Variants in TUBGCP3 observed in about 807,000 individuals in gnomAD.
The protein encoded by TUBGCP3 is gamma-tubulin complex component 3.
Under a neutral mutation model 123.1 loss-of-function variants are expected in TUBGCP3, and 50 were observed. The observed-to-expected ratio is 0.41, with a 90% CI of 0.32 to 0.51. TUBGCP3 has a LOEUF of 0.51. TUBGCP3 is among the 20% of genes least tolerant of loss of function. The pLI, the probability that TUBGCP3 is intolerant of heterozygous loss-of-function variation, is 0.36. For synonymous variants in TUBGCP3, 405 were observed against 413.9 expected, an observed-to-expected ratio of 0.98 and a Z score of 0.26; for missense variants, 882 against 1,127.0, an observed-to-expected ratio of 0.78 and a Z score of 3.11.
intron 1 of TUBGCP3, among the ~76,000 whole-genome samples, chr13:112,585,123 T>C (rs1050610456): frequency 6.6e-6 from 1 of 152,194 alleles, no homozygotes; most frequent in Admixed American, 6.5e-5. Context: ...CAAGTACCTA[T>C]TATGCCTTGA....
At chr13:112,544,385 A>G (rs191983207) in intron 11 of TUBGCP3, among the ~76,000 whole-genome samples, 12 of 149,042 alleles carry the variant, frequency 8.1e-5, no homozygotes, top group East Asian at 4.1e-4. Flanking sequence ...CATGGGAGGC[A>G]GAGCCTGCAG....
intron 18 of TUBGCP3, among the ~76,000 whole-genome samples, 191 bp downstream of exon 18, chr13:112,504,435 G>A (rs1050738343): frequency 1.3e-5 from 2 of 149,586 alleles, no homozygotes; most frequent in Non-Finnish European, 1.5e-5. Flanking sequence ...TTGCAGTGAG[G>A]TGAGATCACA....
chr13:112,501,036 T>C (rs559889139), intron 19 of TUBGCP3, among the ~76,000 whole-genome samples: 31 of 152,334 alleles, frequency 2.0e-4, no homozygotes, highest in African/African-American at 7.5e-4. Flanking sequence ...TTTCACTTAC[T>C]ACAATGCACT....
At chr13:112,584,742 A>C (rs1566597472) in intron 1 of TUBGCP3, among the ~76,000 whole-genome samples, 1 of 152,240 alleles carries the variant, frequency 6.6e-6, no homozygotes, top group Non-Finnish European at 1.5e-5. Context: ...TCATAGTTAG[A>C]AAAAGGATTA....
At chr13:112,503,674 G>C (rs566638264) in intron 19 of TUBGCP3, among the ~76,000 whole-genome samples, 1 of 152,172 alleles carries the variant, frequency 6.6e-6, no homozygotes, top group Admixed American at 6.5e-5. Flanking sequence ...GGCCTGTTTT[G>C]TTCTTATATC....
In TUBGCP3 at chr13:112,556,127, C is replaced by CT; in HGVS notation, c.645dup (p.Ala216SerfsTer57). The CT allele has an allele frequency of 1.2e-6, 2 of 1,614,062 alleles. No individual in the cohort carries two copies. Among genetic ancestry groups the CT allele is most frequent in the Non-Finnish European group, 1.7e-6 (2 of 1,180,004 alleles). On this transcript the variant is annotated frameshift_variant, in exon 6 of 22. Transcript: ENST00000261965. LOFTEE classifies it high-confidence loss of function. ...CTGGGGACACCTTTTGAGGTAGTGGCTTGTGAAGAAGGCTGATTTGCAGTT... is the reference window on the plus strand; with the variant it reads ...CTGGGGACACCTTTTGAGGTAGTGGCTTTGTGAAGAAGGCTGATTTGCAGTT...
chr13:112,556,616 C>T (rs1051554198), intron 5 of TUBGCP3, among the ~76,000 whole-genome samples: 3 of 152,230 alleles, frequency 2.0e-5, no homozygotes, highest in African/African-American at 7.2e-5. Context: ...CCACAACTCT[C>T]GTTCACTCCC....
intron 11 of TUBGCP3, among the ~76,000 whole-genome samples, chr13:112,528,075 T>G (rs1877278420): frequency 6.6e-6 from 1 of 152,232 alleles, no homozygotes. Context: ...TCAGGAGCTT[T>G]CTTCCTCACT....
chr13:112,563,680 C>T (rs9577807), intron 3 of TUBGCP3, among the ~76,000 whole-genome samples: 1 of 146,560 alleles, frequency 6.8e-6, no homozygotes, highest in African/African-American at 2.6e-5. Flanking sequence ...TGGCTAACAC[C>T]GTGAAACCCC....
At chr13:112,562,379 T>C (rs973705149) in intron 3 of TUBGCP3, among the ~76,000 whole-genome samples, 3 of 152,212 alleles carry the variant, frequency 2.0e-5, no homozygotes, top group Non-Finnish European at 2.9e-5. Context: ...GAGATCAGGC[T>C]GGAGACAGCA....
chr13:112,550,535 A>G (rs1879474089), intron 8 of TUBGCP3, among the ~76,000 whole-genome samples: 1 of 152,208 alleles, frequency 6.6e-6, no homozygotes, highest in Admixed American at 6.5e-5. Flanking sequence ...CTCCCGCTGG[A>G]GGTACCGCCA....
At chr13:112,543,642 A>G (rs1455352118) in intron 11 of TUBGCP3, among the ~76,000 whole-genome samples, 1 of 152,212 alleles carries the variant, frequency 6.6e-6, no homozygotes, top group African/African-American at 2.4e-5. Flanking sequence ...AGATTCAAGT[A>G]TATAGAGAAA....
At chr13:112,528,680 G>C (rs974304865) in intron 11 of TUBGCP3, among the ~76,000 whole-genome samples, 1 of 151,912 alleles carries the variant, frequency 6.6e-6, no homozygotes, top group African/African-American at 2.4e-5. Context: ...TTTATAGTAT[G>C]GTCCATATTT....
the TUBGCP3 span, among the ~76,000 whole-genome samples, chr13:112,602,481 T>C: frequency 5.7e-3 from 862 of 152,310 alleles, 15 homozygotes; most frequent in African/African-American, 0.013. Context: ...AATAACTCTC[T>C]TTTCCCTCGG....
chr13:112,494,135 C>T (rs1484939100), intron 20 of TUBGCP3, among the ~76,000 whole-genome samples: 1 of 151,512 alleles, frequency 6.6e-6, no homozygotes, highest in East Asian at 1.9e-4. Flanking sequence ...CCTGGTGTGC[C>T]TGAGACGCTC....
At chr13:112,560,346 C>T (rs945383516) in intron 3 of TUBGCP3, among the ~76,000 whole-genome samples, 26 of 150,646 alleles carry the variant, frequency 1.7e-4, no homozygotes, top group Non-Finnish European at 2.7e-4. Flanking sequence ...AGGAGAATGG[C>T]GTGAACCCGG....
chr13:112,599,250 T>C, the TUBGCP3 span, among the ~76,000 whole-genome samples: 4 of 152,152 alleles, frequency 2.6e-5, no homozygotes, highest in African/African-American at 9.7e-5. Context: ...TATGAGGTTA[T>C]TCTTTTTCTT....
chr13:112,590,583 C>T (rs1882866842), upstream of TUBGCP3, among the ~76,000 whole-genome samples: 1 of 152,022 alleles, frequency 6.6e-6, no homozygotes, highest in African/African-American at 2.4e-5. Context: ...CATTTCCATG[C>T]AGAAGAGCAG....
At chr13:112,573,525 G>GA (rs1236456499) in intron 1 of TUBGCP3, among the ~76,000 whole-genome samples, 1 of 152,078 alleles carries the variant, frequency 6.6e-6, no homozygotes, top group Non-Finnish European at 1.5e-5. Context: ...TTAGCCCCAG[G>GA]AAAAAATCCA....
Sources: gnomAD v4.1 joint callset for allele counts (sites outside exome capture counted in the v4.1 genomes callset) on GRCh38, gnomAD v4.1.1 for gene constraint, MANE v1.5 for transcripts, NCBI Gene and HGNC (gene_info 2026-07-23, HGNC 2026-07-21) for gene names.